Variants in SNX8 observed in about 807,000 individuals in gnomAD.
The protein encoded by SNX8 is sorting nexin 8, also known as sorting nexin-8.
Under a neutral mutation model 51.6 loss-of-function variants are expected in SNX8, and 25 were observed. The observed-to-expected ratio is 0.48, with a 90% CI of 0.35 to 0.68. The LOEUF (loss-of-function observed/expected upper bound fraction) is 0.68. SNX8 is among the 30% of genes least tolerant of loss of function. The pLI, the probability that SNX8 is intolerant of heterozygous loss-of-function variation, is 0.00. For missense variants in SNX8, 695 were observed against 624.0 expected, an observed-to-expected ratio of 1.11 and a Z score of -1.21; for synonymous variants, 324 against 277.0, an observed-to-expected ratio of 1.17 and a Z score of -1.68.
At chr7:2,306,328 C>T (rs1796544400) in intron 1 of SNX8, among the ~76,000 whole-genome samples, 1 of 151,618 alleles carries the variant, frequency 6.6e-6, no homozygotes, top group African/African-American at 2.4e-5. Flanking sequence ...GACGGGGTTT[C>T]ACCATGTTGG....
intron 1 of SNX8, among the ~76,000 whole-genome samples, chr7:2,290,789 G>A (rs186608654): frequency 7.8e-4 from 118 of 152,192 alleles, no homozygotes; most frequent in African/African-American, 2.6e-3. Context: ...ACTGAGTCCC[G>A]AGAGTGACCT....
intron 1 of SNX8, chr7:2,354,068 A>ACCCGCCCCCGCC (rs924109807): frequency 6.6e-6 from 1 of 152,416 alleles, no homozygotes; most frequent in African/African-American, 2.4e-5. Flanking sequence ...CGCGGCGAGG[A>ACCCGCCCCCGCC]CCCGCCCCCG....
intron 1 of SNX8, chr7:2,299,260 A>T (rs1179659042): frequency 1.3e-5 from 2 of 151,986 alleles, no homozygotes; most frequent in African/African-American, 4.8e-5. Flanking sequence ...GACATGGGAG[A>T]TGCAAGAGAC....
At chr7:2,268,764 C>T (rs1416866669) in intron 5 of SNX8, among the ~76,000 whole-genome samples, 1 of 17,956 alleles carries the variant, frequency 5.6e-5, no homozygotes, top group East Asian at 8.9e-4. Context: ...CCGCCCCGTC[C>T]GGGAGGTGAG....
At chr7:2,274,075 G>A (rs1795717857) in intron 3 of SNX8, among the ~76,000 whole-genome samples, 2 of 152,212 alleles carry the variant, frequency 1.3e-5, no homozygotes, top group African/African-American at 2.4e-5. Context: ...GCCAGCCAGC[G>A]CTCATCAACT....
intron 1 of SNX8, among the ~76,000 whole-genome samples, chr7:2,341,644 C>A (rs1230297582): frequency 6.6e-6 from 1 of 152,090 alleles, no homozygotes; most frequent in Non-Finnish European, 1.5e-5. Flanking sequence ...TTCACTCCAA[C>A]CTGGGTGATA....
chr7:2,260,391 C>T (rs2115096046), intron 7 of SNX8, among the ~76,000 whole-genome samples: 1 of 152,294 alleles, frequency 6.6e-6, no homozygotes, highest in East Asian at 1.9e-4. Flanking sequence ...AGCCACTGCA[C>T]CCAACCAAGT....
chr7:2,283,152 T>G (rs997345720), intron 1 of SNX8, among the ~76,000 whole-genome samples: 28 of 150,858 alleles, frequency 1.9e-4, no homozygotes, highest in African/African-American at 6.1e-4. Flanking sequence ...CAAACAGGAT[T>G]TACCGACAAA....
chr7:2,346,905 G>C (rs1299426658), intron 1 of SNX8, among the ~76,000 whole-genome samples: 5 of 128,536 alleles, frequency 3.9e-5, no homozygotes, highest in African/African-American at 1.4e-4. Flanking sequence ...GGGCGACAGA[G>C]ATTGAGACTC....
chr7:2,258,965 C>G (rs981919134), intron 7 of SNX8, among the ~76,000 whole-genome samples: 1 of 152,204 alleles, frequency 6.6e-6, no homozygotes, highest in Non-Finnish European at 1.5e-5. Context: ...CACGGGCGAA[C>G]CCCACCCAGA....
chr7:2,255,246 G>T, intron 10 of SNX8, 77 bp from the exon 11 acceptor site: 1 of 937,354 alleles, frequency 1.1e-6, no homozygotes, highest in Non-Finnish European at 1.6e-6. Context: ...CAGTTCCTTC[G>T]CCTGCCAGTG....
intron 1 of SNX8, among the ~76,000 whole-genome samples, chr7:2,332,743 AAAGGAAGGAAGGAAGGAAGG>A (rs57859551): frequency 1.4e-5 from 2 of 140,282 alleles, no homozygotes; most frequent in African/African-American, 5.4e-5. Context: ...GAGAGAGAGA[AAAGGAAGGAAGGAAGGAAGG>A]AAGGAAGGAG....
rs1795595663 is a variant in SNX8 at position 2,269,659 on chromosome 7, A to C, written c.541-20T>G. On this transcript the variant is annotated intron_variant, in intron 4 of 10. Coordinates refer to ENST00000222990, the MANE Select transcript of SNX8 (RefSeq NM_013321.4). Reference sequence around the variant, plus strand: ...CACATCCTGCAAAAGGAAAACACACAGCTTCACCCTCTTCTACTAGCAGCA... The same window carrying C: ...CACATCCTGCAAAAGGAAAACACACCGCTTCACCCTCTTCTACTAGCAGCA... 1.3e-6 allele frequency: 2 copies of C among 1,554,924 alleles called. No homozygotes were observed. Among genetic ancestry groups the C allele is most frequent in the South Asian group, 2.4e-5 (2 of 84,920 alleles).
chr7:2,284,396 C>CTTTTTT (rs751803296), intron 1 of SNX8, among the ~76,000 whole-genome samples: 28 of 88,906 alleles, frequency 3.1e-4, no homozygotes, highest in South Asian at 8.2e-4. Context: ...CTTTTATTTC[C>CTTTTTT]TTTTTTTTTT....
intron 1 of SNX8, among the ~76,000 whole-genome samples, chr7:2,294,882 AAGTC>A (rs1796236727): frequency 6.6e-6 from 1 of 151,794 alleles, no homozygotes; most frequent in African/African-American, 2.4e-5. Context: ...AAAAAATAAA[AAGTC>A]AGGCATGGTG....
intron 1 of SNX8, among the ~76,000 whole-genome samples, chr7:2,292,409 G>A (rs563561184): frequency 9.9e-5 from 15 of 151,782 alleles, no homozygotes; most frequent in African/African-American, 3.4e-4. Flanking sequence ...GATAGGCAAA[G>A]ACTTCTTTTT....
intron 5 of SNX8, among the ~76,000 whole-genome samples, chr7:2,269,132 T>G (rs1169837898): frequency 2.1e-5 from 3 of 146,250 alleles, no homozygotes; most frequent in Non-Finnish European, 4.6e-5. Flanking sequence ...ATGGTTGCCG[T>G]GTCTGTGTAG....
At chr7:2,295,175 G>A (rs867628844) in intron 1 of SNX8, among the ~76,000 whole-genome samples, 46 of 151,646 alleles carry the variant, frequency 3.0e-4, no homozygotes, top group African/African-American at 9.9e-4. Flanking sequence ...AGGCCAAGGC[G>A]GGCAGATCAC....
chr7:2,319,085 C>CT (rs1485717061), upstream of SNX8, among the ~76,000 whole-genome samples: 4 of 148,486 alleles, frequency 2.7e-5, no homozygotes, highest in Admixed American at 2.7e-4. Context: ...ACGCCTGTAA[C>CT]CCCAGCACTT....
Sources: gnomAD v4.1 joint callset for allele counts (sites outside exome capture counted in the v4.1 genomes callset) on GRCh38, gnomAD v4.1.1 for gene constraint, MANE v1.5 for transcripts, NCBI Gene and HGNC (gene_info 2026-07-23, HGNC 2026-07-21) for gene names.